The following XKR4 variants were observed in gnomAD, a reference collection of about 807,000 sequenced individuals.
The protein encoded by XKR4 is XK-related protein 4.
A neutral mutation model predicts 53.9 loss-of-function variants in XKR4; 12 were observed. That is an observed-to-expected ratio of 0.22 (90% CI 0.14 to 0.36). The LOEUF (loss-of-function observed/expected upper bound fraction) is 0.36, where lower values mean the gene tolerates loss of function less well. Ranked by LOEUF, XKR4 falls within the 10% of genes least tolerant of loss-of-function variation. XKR4 has a pLI of 1.00. For synonymous variants in XKR4, 354 were observed against 362.4 expected, an observed-to-expected ratio of 0.98 and a Z score of 0.26; for missense variants, 799 against 859.5, an observed-to-expected ratio of 0.93 and a Z score of 0.88.
At chr8:55,151,025 C>T (rs1477720198) in intron 1 of XKR4, among the ~76,000 whole-genome samples, 4 of 152,164 alleles carry the variant, frequency 2.6e-5, no homozygotes, top group African/African-American at 9.7e-5. Context: ...TTGGCAATTA[C>T]TCAACTTGCA....
At chr8:55,451,404 G>A (rs754691751) in intron 2 of XKR4, 6 of 932,352 alleles carry the variant, frequency 6.4e-6, no homozygotes, top group African/African-American at 3.3e-5. Flanking sequence ...TGTTGCGTCC[G>A]GACGCACTGG....
chr8:55,409,820 AACAG>A lies in XKR4; in HGVS notation c.1006+51947_1006+51950del, dbSNP rs753432014. ...AAATAAATAGCTTCTGTTGAATTCC[AACAG>A]ACAAAGAACAGAGGGTAAGGAAATT... On this transcript the variant is annotated intron_variant, in intron 2 of 2. Transcript: ENST00000327381. 8.3e-4 allele frequency among the ~76,000 whole-genome samples: 127 copies of A among 152,322 alleles called. 1 individual carries two copies. The highest frequency in any genetic ancestry group is 1.2e-3 in the Non-Finnish European group (83 of 68,026).
At chr8:55,517,706 C>T (rs1585616113) in intron 2 of XKR4, 1 of 152,226 alleles carries the variant, frequency 6.6e-6, no homozygotes. Flanking sequence ...AGGAGAGCTC[C>T]GGTGGGCCCA....
At chr8:55,394,248 A>C (rs900343226) in intron 2 of XKR4, among the ~76,000 whole-genome samples, 1 of 152,168 alleles carries the variant, frequency 6.6e-6, no homozygotes, top group East Asian at 1.9e-4. Context: ...ATAAGAATGA[A>C]GATTGGCATC....
intron 1 of XKR4, among the ~76,000 whole-genome samples, chr8:55,151,533 C>CA (rs1563469339): frequency 6.6e-6 from 1 of 151,796 alleles, no homozygotes; most frequent in African/African-American, 2.4e-5. Context: ...AGCTATATGA[C>CA]AAAAAATAGA....
chr8:55,524,941 A>T lies in XKR4; in HGVS notation c.*714A>T, dbSNP rs1806861664. The T allele has an allele frequency of 6.6e-6, 1 of 152,648 alleles. No homozygotes were observed. The highest frequency in any genetic ancestry group is 6.5e-5 in the Admixed American group (1 of 15,282). 9.5% of individuals were successfully genotyped at this position (152,648 alleles called of 1,614,324 possible). ...GAACATCCTTTTTGACAGAAATCCT[A>T]TGCAGCCCATGTACGGCTTTCAACA... On this transcript the variant is annotated 3_prime_UTR_variant, in exon 3 of 3. Transcript: ENST00000327381.
rs546176678 is a variant in XKR4 at position 55,419,060 on chromosome 8, A to G, written c.1006+61183A>G. Among the ~76,000 whole-genome samples, 6 of 152,196 alleles carry G rather than the reference A, an allele frequency of 3.9e-5. No homozygotes were observed. In the South Asian group the frequency reaches 1.2e-3, roughly 32 times the overall value. The stretch of plus-strand genomic sequence containing the variant: ...CCAATTACTTACAGCGGTGTCTGAC[A>G]TATGTTCCAGCCTCGAATAAAGAGC... On this transcript the variant is annotated intron_variant, in intron 2 of 2. Coordinates refer to ENST00000327381, the MANE Select transcript of XKR4 (RefSeq NM_052898.2).
At chr8:55,448,192 G>T (rs1456058147) in intron 2 of XKR4, among the ~76,000 whole-genome samples, 1 of 152,152 alleles carries the variant, frequency 6.6e-6, no homozygotes, top group Non-Finnish European at 1.5e-5. Context: ...CTATTCATAA[G>T]CCTGGCAATT....
chr8:55,539,267 G>A lies in XKR4; in HGVS notation c.*15040G>A, dbSNP rs1807070406. The A allele has an allele frequency of 1.3e-5, 2 of 152,168 alleles. No individual in the cohort carries two copies. Among genetic ancestry groups the A allele is most frequent in the South Asian group, 2.1e-4 (1 of 4,824 alleles). 9.4% of individuals were successfully genotyped at this position (152,168 alleles called of 1,614,324 possible). ...TAATGTTTTCATGATATGGCTTCAT[G>A]AGGCAAAGTTGTTGTACATCAATAT... On this transcript the variant is annotated 3_prime_UTR_variant, in exon 3 of 3. Coordinates refer to ENST00000327381, the MANE Select transcript of XKR4 (RefSeq NM_052898.2).
chr8:55,105,699 G>C (rs983200716), intron 1 of XKR4, among the ~76,000 whole-genome samples: 5 of 152,272 alleles, frequency 3.3e-5, no homozygotes, highest in Middle Eastern at 3.4e-3. Context: ...GGGGATGCCA[G>C]AGTAATCTGG....
At chr8:55,274,005 C>T (rs1017357984) in intron 1 of XKR4, among the ~76,000 whole-genome samples, 1 of 152,124 alleles carries the variant, frequency 6.6e-6, no homozygotes, top group African/African-American at 2.4e-5. Flanking sequence ...TGGAAGAATA[C>T]AGGAATGAGG....
intron 2 of XKR4, among the ~76,000 whole-genome samples, chr8:55,361,324 G>A (rs1162024733): frequency 6.6e-6 from 1 of 152,116 alleles, no homozygotes; most frequent in Admixed American, 6.5e-5. Context: ...AAGTGGGATG[G>A]GGAGAAGGAG....
intron 2 of XKR4, among the ~76,000 whole-genome samples, chr8:55,366,543 G>A (rs944484749): frequency 6.6e-6 from 1 of 152,112 alleles, no homozygotes; most frequent in East Asian, 1.9e-4. Context: ...CCTACCTTAT[G>A]TCCCCCTTGA....
chr8:55,514,769 AG>A (rs548582685), intron 2 of XKR4, among the ~76,000 whole-genome samples: 268 of 152,330 alleles, frequency 1.8e-3, no homozygotes, highest in African/African-American at 6.1e-3. Context: ...TGGGCATCTC[AG>A]GTTACTTATT....
chr8:55,397,128 T>C (rs1804532006), intron 2 of XKR4, among the ~76,000 whole-genome samples: 1 of 152,264 alleles, frequency 6.6e-6, no homozygotes, highest in African/African-American at 2.4e-5. Context: ...CAAGGCAATA[T>C]TCCAGGTAAC....
intron 2 of XKR4, among the ~76,000 whole-genome samples, chr8:55,359,061 G>C (rs1803861691): frequency 6.6e-6 from 1 of 152,184 alleles, no homozygotes; most frequent in Admixed American, 6.5e-5. Context: ...TTTGGTCCAA[G>C]AAGTTTGAGA....
At chr8:55,295,245 G>C (rs890562119) in intron 1 of XKR4, among the ~76,000 whole-genome samples, 8 of 152,272 alleles carry the variant, frequency 5.3e-5, no homozygotes, top group African/African-American at 1.9e-4. Flanking sequence ...TGTGACAGAA[G>C]GTAGTAATGA....
chr8:55,328,486 T>C (rs1253207192), intron 1 of XKR4, among the ~76,000 whole-genome samples: 1 of 152,176 alleles, frequency 6.6e-6, no homozygotes, highest in Non-Finnish European at 1.5e-5. Flanking sequence ...GTGTGGTCAC[T>C]TTGACCTTCT....
At chr8:55,301,919 CA>C (rs1819205917) in intron 1 of XKR4, among the ~76,000 whole-genome samples, 1 of 152,118 alleles carries the variant, frequency 6.6e-6, no homozygotes, top group South Asian at 2.1e-4. Flanking sequence ...AAGCAGTTTG[CA>C]AAAATTTTCT....
Sources: gnomAD v4.1 joint callset for allele counts (sites outside exome capture counted in the v4.1 genomes callset) on GRCh38, gnomAD v4.1.1 for gene constraint, MANE v1.5 for transcripts, NCBI Gene and HGNC (gene_info 2026-07-23, HGNC 2026-07-21) for gene names.